The following CDH5 variants were observed in gnomAD, a reference collection of about 807,000 sequenced individuals.
CDH5 encodes the protein cadherin 5.
Under a neutral mutation model 62.0 loss-of-function variants are expected in CDH5, and 28 were observed. The ratio of observed to expected loss-of-function variants is 0.45; its 90% CI spans 0.33 to 0.62. The LOEUF (loss-of-function observed/expected upper bound fraction) is 0.62, where lower values mean the gene tolerates loss of function less well. Among genes scored for constraint, CDH5 ranks in the 20% least tolerant of loss-of-function variants. The pLI is 0.02. For synonymous variants in CDH5, 464 were observed against 445.8 expected (o/e 1.04, Z -0.52); for missense variants, 940 against 1,065.1 (o/e 0.88, Z 1.63).
At chr16:66,379,764 T>A (rs564725212) in intron 2 of CDH5, among the ~76,000 whole-genome samples, 1 of 152,116 alleles carries the variant, frequency 6.6e-6, no homozygotes, top group African/African-American at 2.4e-5. Context: ...GTGATAGTGA[T>A]GGTGGTGAGG....
At chr16:66,385,984 T>C (rs1960975887) in intron 2 of CDH5, among the ~76,000 whole-genome samples, 1 of 152,188 alleles carries the variant, frequency 6.6e-6, no homozygotes, top group Non-Finnish European at 1.5e-5. Context: ...GTTCAGTGTT[T>C]CCCAGAACTC....
chr16:66,394,863 G>A (rs1455219568), intron 7 of CDH5, among the ~76,000 whole-genome samples: 1 of 147,036 alleles, frequency 6.8e-6, no homozygotes. Context: ...TTTTTGGGGG[G>A]TGGGGGGGAC....
At chr16:66,375,284 C>T (rs1036938430) in intron 1 of CDH5, among the ~76,000 whole-genome samples, 28 of 152,142 alleles carry the variant, frequency 1.8e-4, no homozygotes, top group African/African-American at 6.5e-4. Context: ...AATCCCAGCA[C>T]TTTGGGAGGC....
At chr16:66,384,859 A>G (rs1341746373) in intron 2 of CDH5, among the ~76,000 whole-genome samples, 1 of 152,096 alleles carries the variant, frequency 6.6e-6, no homozygotes, top group Non-Finnish European at 1.5e-5. Flanking sequence ...CCAGCTACTC[A>G]GGAGGCTGAG....
intron 8 of CDH5, among the ~76,000 whole-genome samples, chr16:66,396,449 C>T (rs1336794819): frequency 6.6e-6 from 1 of 152,204 alleles, no homozygotes; most frequent in Non-Finnish European, 1.5e-5. Flanking sequence ...TCATGCATGT[C>T]ACAGTTTGAA....
At chr16:66,375,506 G>T (rs941196155) in intron 1 of CDH5, among the ~76,000 whole-genome samples, 2 of 151,836 alleles carry the variant, frequency 1.3e-5, no homozygotes, top group African/African-American at 4.8e-5. Context: ...CAGCCTGGGC[G>T]ACAGAGGGAG....
chr16:66,389,675 G>A (rs892001621), intron 5 of CDH5, among the ~76,000 whole-genome samples, 153 bp downstream of exon 5: 5 of 151,986 alleles, frequency 3.3e-5, no homozygotes, highest in African/African-American at 1.2e-4. Context: ...GTGAAGGGAG[G>A]GGCCCTGCTT....
In CDH5 at chr16:66,383,073, G is replaced by A. The variant is rs1163224612; in HGVS notation, c.210+3526G>A. Among the ~76,000 whole-genome samples the A allele has an allele frequency of 4.6e-5, 7 of 152,196 alleles. No individual in the cohort carries two copies. The East Asian group carries it at 1.4e-3, about 29-fold the overall frequency. On this transcript the variant is annotated intron_variant, in intron 2 of 11. Transcript: ENST00000341529. ...CAGAGGGGCATCCTGCAAAATACGT[G>A]ACTCATACTCCTCAAACCTGTCGAG...
Position 66,392,172 on chromosome 16 carries a change from A to G in CDH5, c.1006A>G (p.Ile336Val). Residue 336 changes from isoleucine to valine, a missense_variant, in exon 7 of 12, where the codon ATC becomes GTC. Coordinates refer to ENST00000341529, the MANE Select transcript of CDH5 (RefSeq NM_001795.5). Reference sequence around the variant, plus strand: ...TGAATACATCCAGCAATACAGCTTCATCGTCGAGGCCACAGACCCCACCAT... The same window carrying G: ...TGAATACATCCAGCAATACAGCTTCGTCGTCGAGGCCACAGACCCCACCAT... ...DYEYIQQYSF[I>V]VEATDPTIDL... The G allele has an allele frequency of 3.7e-6, 6 of 1,614,114 alleles. No individual in the cohort carries two copies. Among genetic ancestry groups the G allele is most frequent in the Non-Finnish European group, 5.1e-6 (6 of 1,180,012 alleles).
chr16:66,372,963 C>G (rs548459997), intron 1 of CDH5, among the ~76,000 whole-genome samples: 10 of 152,308 alleles, frequency 6.6e-5, no homozygotes, highest in African/African-American at 2.2e-4. Flanking sequence ...GATAAGCATC[C>G]TGGATGCCTG....
rs1248962447 is a variant in CDH5, at chr16:66,386,869, A to G, written c.271A>G (p.Lys91Glu). Residue 91 changes from lysine (K) to glutamate (E), a missense_variant, in exon 3 of 12, where the codon AAG becomes GAG. Physicochemically the swap from Lys to Glu is moderately conservative, Grantham distance 56. Transcript: ENST00000341529. ...KYLLKGEYVG[K>E]VFRVDAETGD... ...CCTGCTCAAAGGAGAATATGTGGGC[A>G]AGGTCTTCCGGGTCGATGCAGAGAC... 12 of 1,614,192 alleles carry G rather than the reference A, an allele frequency of 7.4e-6. No homozygotes were observed. The highest frequency in any genetic ancestry group is 1.0e-5 in the Non-Finnish European group (12 of 1,180,042).
Position 66,388,339 on chromosome 16 carries a change from CTG to C in CDH5, c.518_519del (p.Val173AspfsTer31). The C allele has an allele frequency of 6.2e-7, 1 of 1,612,830 alleles. No homozygotes were observed. Among genetic ancestry groups the C allele is most frequent in the Non-Finnish European group, 8.5e-7 (1 of 1,178,778 alleles). On this transcript the variant is annotated frameshift_variant, in exon 4 of 12. Transcript: ENST00000341529. LOFTEE classifies it high-confidence loss of function. The stretch of plus-strand genomic sequence containing the variant: ...CTCTCTGCAGGGACCTCAGTCATCT[CTG>C]TGACAGCAGTGGATGCAGACGACCC...
chr16:66,375,926 G>A (rs1313409428), intron 1 of CDH5, among the ~76,000 whole-genome samples: 1 of 151,798 alleles, frequency 6.6e-6, no homozygotes, highest in Admixed American at 6.6e-5. Context: ...GGCCAACAAG[G>A]TGAAACCCCG....
chr16:66,385,002 C>T (rs951959721), intron 2 of CDH5, among the ~76,000 whole-genome samples: 3 of 152,114 alleles, frequency 2.0e-5, no homozygotes, highest in Non-Finnish European at 4.4e-5. Context: ...TGCACTTCCT[C>T]AGCATGCCAG....
At chr16:66,368,421 G>A (rs547129769) in intron 1 of CDH5, among the ~76,000 whole-genome samples, 8 of 152,322 alleles carry the variant, frequency 5.3e-5, no homozygotes, top group Admixed American at 3.9e-4. Context: ...TAAGCTGCCC[G>A]CCTGCAGCCT....
intron 1 of CDH5, among the ~76,000 whole-genome samples, chr16:66,371,127 G>A (rs1337384850): frequency 3.3e-5 from 5 of 152,144 alleles, no homozygotes; most frequent in Non-Finnish European, 5.9e-5. Flanking sequence ...AGCTCCCAGG[G>A]CCTCACCCTT....
intron 2 of CDH5, among the ~76,000 whole-genome samples, chr16:66,386,600 T>C (rs1305022213): frequency 6.6e-6 from 1 of 152,154 alleles, no homozygotes; most frequent in African/African-American, 2.4e-5. Context: ...CTATCCATGT[T>C]CCTGCAAAGG....
In CDH5 at chr16:66,376,239, G is replaced by A. The variant is rs963931807; in HGVS notation, c.-19-3080G>A. 1.4e-4 allele frequency: 21 copies of A among 152,226 alleles called. 1 individual carries two copies. Among genetic ancestry groups the A allele is most frequent in the Admixed American group, 9.2e-4 (14 of 15,298 alleles). The allele number at this position is 152,226 out of a possible 1,614,324, so 9.4% of individuals were successfully genotyped here. ...CACGAGTAATGGCTTGTGCTGTGAC[G>A]TCACAATGGCTGCAATGTTACTAGG... On this transcript the variant is annotated intron_variant, in intron 1 of 11. Transcript: ENST00000341529.
chr16:66,369,980 T>TTTG (rs1960655535), intron 1 of CDH5, among the ~76,000 whole-genome samples: 1 of 150,280 alleles, frequency 6.7e-6, no homozygotes, highest in Non-Finnish European at 1.5e-5. Flanking sequence ...CTGGAGACTT[T>TTTG]TTTGTTTGTT....
Sources: allele counts gnomAD v4.1 joint callset (sites outside exome capture counted in the v4.1 genomes callset), GRCh38; gene constraint gnomAD v4.1.1; transcripts MANE v1.5; gene names NCBI Gene and HGNC (gene_info 2026-07-23, HGNC 2026-07-21).